The following LRP2 variants were observed in gnomAD, a reference collection of about 807,000 sequenced individuals.
LRP2 encodes the protein LDL receptor related protein 2, also known as low-density lipoprotein receptor-related protein 2.
LRP2 carries 172 observed loss-of-function variants against 531.0 expected under a neutral mutation model. That is an observed-to-expected ratio of 0.32 (90% CI 0.29 to 0.37). The LOEUF (loss-of-function observed/expected upper bound fraction) is 0.37, where lower values mean the gene tolerates loss of function less well. Ranked by LOEUF, LRP2 falls within the 10% of genes least tolerant of loss-of-function variation. The pLI is 1.00. For missense variants in LRP2, 5,167 were observed against 5,868.3 expected (o/e 0.88, Z 3.90); for synonymous variants, 1,992 against 2,027.6 (o/e 0.98, Z 0.47).
chr2:169,170,459 AT>A, intron 59 of LRP2, 91 bp downstream of exon 59: 1 of 935,736 alleles, frequency 1.1e-6, no homozygotes, highest in Non-Finnish European at 1.8e-6. Flanking sequence ...TACAAAAATA[AT>A]TTTCCTCTAA....
chr2:169,148,850 T>C (rs1436921742), intron 68 of LRP2, among the ~76,000 whole-genome samples: 2 of 152,180 alleles, frequency 1.3e-5, no homozygotes, highest in Non-Finnish European at 2.9e-5. Flanking sequence ...CTAGGTTCTA[T>C]GTCAGTCCCA....
At chr2:169,344,448 G>T (rs1254039787) in intron 1 of LRP2, among the ~76,000 whole-genome samples, 1 of 152,080 alleles carries the variant, frequency 6.6e-6, no homozygotes, top group Admixed American at 6.6e-5. Flanking sequence ...TATGTAAGCA[G>T]GGAAGAGAAT....
intron 1 of LRP2, among the ~76,000 whole-genome samples, chr2:169,328,457 A>AG (rs1411272527): frequency 6.1e-5 from 9 of 147,056 alleles, no homozygotes; most frequent in African/African-American, 1.5e-4. Flanking sequence ...AAAAAAAAAA[A>AG]AAAAAAAGAA....
chr2:169,217,411 T>A (rs956447989), intron 34 of LRP2, among the ~76,000 whole-genome samples: 1 of 152,168 alleles, frequency 6.6e-6, no homozygotes, highest in Admixed American at 6.6e-5. Flanking sequence ...ATTTCTTCCT[T>A]GCTTTAACTT....
intron 22 of LRP2, among the ~76,000 whole-genome samples, chr2:169,243,978 T>C (rs1473119092): frequency 6.6e-6 from 1 of 152,110 alleles, no homozygotes; most frequent in Non-Finnish European, 1.5e-5. Flanking sequence ...AAAACCAGGG[T>C]CCTACCTTAC....
chr2:169,313,371 A>T (rs1381894012), intron 3 of LRP2, among the ~76,000 whole-genome samples: 1 of 151,972 alleles, frequency 6.6e-6, no homozygotes, highest in East Asian at 1.9e-4. Flanking sequence ...GATGATGGTG[A>T]TGTACAGATG....
chr2:169,334,067 T>C (rs1018315145), intron 1 of LRP2, among the ~76,000 whole-genome samples: 5 of 152,102 alleles, frequency 3.3e-5, no homozygotes, highest in African/African-American at 9.7e-5. Flanking sequence ...CCCATATTAA[T>C]AGCAACATGA....
intron 28 of LRP2, 132 bp downstream of exon 28, chr2:169,236,971 T>C (rs1689628674): frequency 4.0e-6 from 3 of 748,210 alleles, no homozygotes; most frequent in South Asian, 1.5e-5. Context: ...GTTGGACACC[T>C]ACCATGTTTA....
intron 13 of LRP2, among the ~76,000 whole-genome samples, chr2:169,276,073 A>G (rs1022693484): frequency 3.9e-5 from 6 of 152,134 alleles, no homozygotes; most frequent in Non-Finnish European, 7.4e-5. Context: ...AGGACAATAG[A>G]GCTCTAAGAA....
At chr2:169,133,331 T>C (rs931079681) in intron 76 of LRP2, among the ~76,000 whole-genome samples, 16 of 152,252 alleles carry the variant, frequency 1.1e-4, no homozygotes, top group South Asian at 2.1e-4. Flanking sequence ...CCTTTTCCTA[T>C]ATTTTCACAT....
intron 71 of LRP2, among the ~76,000 whole-genome samples, chr2:169,142,199 G>A (rs1453840929): frequency 6.6e-6 from 1 of 152,186 alleles, no homozygotes; most frequent in African/African-American, 2.4e-5. Flanking sequence ...CAGCGTTTGG[G>A]ACTAGAATTA....
chr2:169,294,798 T>C, intron 4 of LRP2, 88 bp from the exon 5 acceptor site: 1 of 807,012 alleles, frequency 1.2e-6, no homozygotes. Flanking sequence ...TATTGAGTGA[T>C]TACTATATGC....
At chr2:169,137,900 G>A (rs762160464) in intron 75 of LRP2, among the ~76,000 whole-genome samples, 3 of 152,064 alleles carry the variant, frequency 2.0e-5, no homozygotes, top group Non-Finnish European at 4.4e-5. Context: ...TATTCTCAGG[G>A]AAGGAAAACA....
intron 77 of LRP2, 127 bp downstream of exon 77, chr2:169,132,447 A>C (rs1193205303): frequency 1.5e-6 from 1 of 678,706 alleles, no homozygotes; most frequent in Non-Finnish European, 2.7e-6. Flanking sequence ...ATATTTATTA[A>C]CTGTCAACAC....
rs771990210 is a variant in LRP2, at chr2:169,238,104, G to A, written c.4493C>T (p.Thr1498Met). Residue 1498 changes from threonine to methionine, a missense_variant, in exon 27 of 79, where the codon ACG becomes ATG. Transcript: ENST00000649046. ...AAATGTACTTACCACTCTTCTGTCC[G>A]TTCCATTTTGAAACGCACTCCAGGT... Reference protein sequence around the residue: ...GKTWSAFQNGTDRRVVFDSSI... With the variant: ...GKTWSAFQNGMDRRVVFDSSI... The A allele has an allele frequency of 1.6e-5, 26 of 1,613,834 alleles. No individual in the cohort carries two copies. The highest frequency in any genetic ancestry group is 2.2e-5 in the East Asian group (1 of 44,894).
At chr2:169,167,885 G>C (rs1686840175) in intron 61 of LRP2, among the ~76,000 whole-genome samples, 1 of 151,204 alleles carries the variant, frequency 6.6e-6, no homozygotes, top group Non-Finnish European at 1.5e-5. Context: ...GTATGTGCAG[G>C]CTTCATTCTT....
chr2:169,171,254 T>C (rs907379031), intron 58 of LRP2, among the ~76,000 whole-genome samples: 14 of 152,200 alleles, frequency 9.2e-5, no homozygotes, highest in African/African-American at 3.4e-4. Flanking sequence ...TGATCACTTT[T>C]TTCTTCCAAA....
intron 31 of LRP2, among the ~76,000 whole-genome samples, chr2:169,228,616 G>C (rs1689286387): frequency 6.6e-6 from 1 of 152,128 alleles, no homozygotes; most frequent in African/African-American, 2.4e-5. Context: ...CTCTTCCATG[G>C]TGCTCTTCCC....
At chr2:169,315,959 CAAAAAAAAAAAA>C (rs536458606) in intron 3 of LRP2, among the ~76,000 whole-genome samples, 13 of 73,750 alleles carry the variant, frequency 1.8e-4, no homozygotes, top group African/African-American at 5.6e-4. Flanking sequence ...CCCATCTCTA[CAAAAAAAAAAAA>C]AAAAAAAAAA....
Sources: allele counts gnomAD v4.1 joint callset (sites outside exome capture counted in the v4.1 genomes callset), GRCh38; gene constraint gnomAD v4.1.1; transcripts MANE v1.5; gene names NCBI Gene and HGNC (gene_info 2026-07-23, HGNC 2026-07-21).